CPPED1: variants seen among roughly 807,000 people sequenced by gnomAD.
CPPED1 encodes serine/threonine-protein phosphatase CPPED1.
CPPED1 carries 28 observed loss-of-function variants against 28.0 expected under a neutral mutation model. The ratio of observed to expected loss-of-function variants is 1.00; its 90% CI spans 0.74 to 1.37. CPPED1 has a LOEUF of 1.37. Among genes scored for constraint, CPPED1 ranks in the 40% most tolerant of loss-of-function variants. The pLI is 0.00. For missense variants in CPPED1, 504 were observed against 416.5 expected, an observed-to-expected ratio of 1.21 and a Z score of -1.83; for synonymous variants, 198 against 180.2, an observed-to-expected ratio of 1.10 and a Z score of -0.79.
chr16:12,694,036 T>C (rs889304627), intron 3 of CPPED1, among the ~76,000 whole-genome samples: 2 of 152,168 alleles, frequency 1.3e-5, no homozygotes, highest in Non-Finnish European at 2.9e-5. Context: ...TGAAACCCTA[T>C]AGCTTCTAAA....
chr16:12,694,977 C>T (rs1186759656), intron 3 of CPPED1, among the ~76,000 whole-genome samples: 2 of 152,124 alleles, frequency 1.3e-5, no homozygotes, highest in East Asian at 3.9e-4. Context: ...AGGGTTTCAC[C>T]ATGTTGGCCA....
Position 12,685,605 on chromosome 16 carries a change from T to C in CPPED1, c.715+19019A>G, listed in dbSNP as rs532137633. ...TCTTGGGACCGTGTTTGAAACATAGTGTGGACAAGGACATTTTTCTTCCTT... is the reference window on the plus strand; with the variant it reads ...TCTTGGGACCGTGTTTGAAACATAGCGTGGACAAGGACATTTTTCTTCCTT... On this transcript the variant is annotated intron_variant, in intron 3 of 3. Transcript: ENST00000381774. 3.9e-5 allele frequency among the ~76,000 whole-genome samples: 6 copies of C among 152,300 alleles called. No individual in the cohort carries two copies. The East Asian group carries it at 9.6e-4, about 24-fold the overall frequency.
At chr16:12,703,946 G>C (rs1413068851) in intron 3 of CPPED1, among the ~76,000 whole-genome samples, 1 of 152,106 alleles carries the variant, frequency 6.6e-6, no homozygotes, top group Non-Finnish European at 1.5e-5. Flanking sequence ...GCGTGCACGT[G>C]TCTGTCACAT....
chr16:12,768,105 G>T (rs1252062174), intron 2 of CPPED1, among the ~76,000 whole-genome samples: 1 of 152,104 alleles, frequency 6.6e-6, no homozygotes, highest in African/African-American at 2.4e-5. Flanking sequence ...TTGTTTCTTT[G>T]ACAACCTCTC....
At chr16:12,769,686 C>T (rs1485458211) in intron 2 of CPPED1, among the ~76,000 whole-genome samples, 1 of 152,160 alleles carries the variant, frequency 6.6e-6, no homozygotes, top group Admixed American at 6.5e-5. Context: ...AGTGCAGGAG[C>T]CAGGGGGCTT....
intron 2 of CPPED1, among the ~76,000 whole-genome samples, chr16:12,767,205 GGT>G (rs1212729683): frequency 6.6e-6 from 1 of 152,134 alleles, no homozygotes. Context: ...AGAAACTGAT[GGT>G]GTTAGTGCTG....
chr16:12,683,873 G>A (rs549412669), intron 3 of CPPED1, among the ~76,000 whole-genome samples: 11 of 152,308 alleles, frequency 7.2e-5, no homozygotes, highest in South Asian at 4.1e-4. Flanking sequence ...CAGGGAGGGC[G>A]CAGCCTCTCC....
In CPPED1 at chr16:12,682,603, G is replaced by C. The variant is rs188245556; in HGVS notation, c.716-17488C>G. On this transcript the variant is annotated intron_variant, in intron 3 of 3. Transcript: ENST00000381774. This position sits in a 1 kb window ranked among gnomAD's most constrained non-coding sequence, Gnocchi z 6.1. ...TCTGAACTCCTCATTTGGAAGGCAA[G>C]ACTAGTATCAACCATCCCCAGGGCC... Among the ~76,000 whole-genome samples the C allele has an allele frequency of 6.6e-6, 1 of 152,302 alleles. No individual in the cohort carries two copies. Among genetic ancestry groups the C allele is most frequent in the East Asian group, 1.9e-4 (1 of 5,180 alleles).
intron 2 of CPPED1, among the ~76,000 whole-genome samples, chr16:12,726,009 C>A (rs1047972799): frequency 6.6e-6 from 1 of 151,982 alleles, no homozygotes; most frequent in African/African-American, 2.4e-5. Context: ...CCAGCCAGGG[C>A]AACATAGGGA....
chr16:12,681,431 T>TA (rs1205785294), intron 3 of CPPED1, among the ~76,000 whole-genome samples: 1 of 152,120 alleles, frequency 6.6e-6, no homozygotes, highest in East Asian at 1.9e-4. Context: ...CCCAGAACTG[T>TA]AAAAAATCAA....
intron 2 of CPPED1, among the ~76,000 whole-genome samples, chr16:12,768,177 G>T (rs556924905): frequency 6.6e-6 from 1 of 152,082 alleles, no homozygotes; most frequent in South Asian, 2.1e-4. Flanking sequence ...TTTCTGTTTC[G>T]CCCTGCGGTT....
Position 12,731,378 on chromosome 16 carries a change from TA to T in CPPED1, c.290-26330del, listed in dbSNP as rs111814033. Among the ~76,000 whole-genome samples, 1,386 of 140,130 alleles carry T rather than the reference TA, an allele frequency of 9.9e-3. 22 individuals are homozygous for T. The highest frequency in any genetic ancestry group is 0.029 in the African/African-American group (1,120 of 38,714). 91.9% of individuals were successfully genotyped at this position (140,130 alleles called of 152,430 possible). ...CTGCATTAGAAAAATTTTTTTTAAT[TA>T]AAAAAAAAAAAGAGTAAACAAAGAA... On this transcript the variant is annotated intron_variant, in intron 2 of 3. Coordinates refer to ENST00000381774, the MANE Select transcript of CPPED1 (RefSeq NM_018340.3).
chr16:12,726,031 T>TA (rs2080168233), intron 2 of CPPED1, among the ~76,000 whole-genome samples: 1 of 151,420 alleles, frequency 6.6e-6, no homozygotes, highest in Non-Finnish European at 1.5e-5. Context: ...ATCCCATCTC[T>TA]AAAAAAGAAA....
intron 1 of CPPED1, among the ~76,000 whole-genome samples, chr16:12,783,880 C>G (rs996293020): frequency 1.1e-4 from 17 of 152,198 alleles, no homozygotes; most frequent in Non-Finnish European, 2.5e-4. Flanking sequence ...GTGTGTGCAT[C>G]TCATGGAGAA....
At chr16:12,788,960 T>C (rs975703159) in intron 1 of CPPED1, among the ~76,000 whole-genome samples, 5 of 152,176 alleles carry the variant, frequency 3.3e-5, no homozygotes, top group African/African-American at 4.8e-5. Context: ...TCAGTGGTGA[T>C]CTCTTCCAGA....
intron 2 of CPPED1, among the ~76,000 whole-genome samples, chr16:12,745,632 T>C (rs555302526): frequency 6.6e-6 from 1 of 152,322 alleles, no homozygotes; most frequent in Non-Finnish European, 1.5e-5. Flanking sequence ...TAAGAACTTA[T>C]GTGTACAAAG....
intron 2 of CPPED1, among the ~76,000 whole-genome samples, chr16:12,743,602 C>A (rs1331334623): frequency 6.6e-6 from 1 of 152,158 alleles, no homozygotes; most frequent in African/African-American, 2.4e-5. Flanking sequence ...TGTAAATACA[C>A]AAAGTACTCT....
intron 3 of CPPED1, among the ~76,000 whole-genome samples, chr16:12,683,154 C>T (rs926108121): frequency 6.6e-6 from 1 of 152,196 alleles, no homozygotes; most frequent in Non-Finnish European, 1.5e-5. Context: ...CTGCATCCAT[C>T]AAAACGTAAG....
At chr16:12,750,428 G>C (rs1406686356) in intron 2 of CPPED1, among the ~76,000 whole-genome samples, 1 of 152,146 alleles carries the variant, frequency 6.6e-6, no homozygotes, top group Non-Finnish European at 1.5e-5. Flanking sequence ...TTATTAGTGT[G>C]ATTCAGGAAA....
Sources: gnomAD v4.1 joint callset for allele counts (sites outside exome capture counted in the v4.1 genomes callset) on GRCh38, gnomAD v4.1.1 for gene constraint, Gnocchi (gnomAD v3.1) non-coding constraint, MANE v1.5 for transcripts, NCBI Gene and HGNC (gene_info 2026-07-23, HGNC 2026-07-21) for gene names.